Variants in FAM193A observed in about 807,000 individuals in gnomAD.
The protein encoded by FAM193A is protein FAM193A.
A neutral mutation model predicts 126.5 loss-of-function variants in FAM193A; 22 were observed. The observed-to-expected ratio is 0.17, with a 90% confidence interval of 0.12 to 0.25. FAM193A has a LOEUF of 0.25. FAM193A is among the 10% of genes least tolerant of loss of function. The pLI, the probability that FAM193A is intolerant of heterozygous loss-of-function variation, is 1.00. For synonymous variants in FAM193A, 761 were observed against 646.8 expected, an observed-to-expected ratio of 1.18 and a Z score of -2.68; for missense variants, 1,675 against 1,672.8, an observed-to-expected ratio of 1.00 and a Z score of -0.02.
intron 2 of FAM193A, among the ~76,000 whole-genome samples, chr4:2,610,060 C>T (rs1741770938): frequency 6.6e-6 from 1 of 151,684 alleles, no homozygotes; most frequent in Non-Finnish European, 1.5e-5. Context: ...GATGAAACCC[C>T]ATCTCTACTA....
At position 2,672,108 on chromosome 4, in the gene FAM193A, T is replaced by G; in HGVS notation, c.2080-13T>G. On this transcript the variant is annotated splice_polypyrimidine_tract_variant and intron_variant, in intron 12 of 20. Transcript: ENST00000637812. The stretch of plus-strand genomic sequence containing the variant: ...TTTCACTAAATAGGTATGTTTTTTT[T>G]CTTTCCTCTTAGGCTGAACAAGCTC... The G allele has an allele frequency of 1.9e-6, 3 of 1,612,752 alleles. No homozygotes were observed. The highest frequency in any genetic ancestry group is 1.7e-6 in the Non-Finnish European group (2 of 1,178,976).
intron 2 of FAM193A, among the ~76,000 whole-genome samples, chr4:2,608,756 C>A (rs1741689523): frequency 6.6e-6 from 1 of 152,198 alleles, no homozygotes; most frequent in African/African-American, 2.4e-5. Flanking sequence ...TTGCATAGAC[C>A]TGCAAGGGGA....
At chr4:2,543,344 C>T (rs1252987266) in intron 1 of FAM193A, among the ~76,000 whole-genome samples, 1 of 152,052 alleles carries the variant, frequency 6.6e-6, no homozygotes, top group African/African-American at 2.4e-5. Flanking sequence ...GCCTCGGCCT[C>T]TCAAAGTGCT....
At chr4:2,622,784 T>C (rs536168692) in intron 2 of FAM193A, among the ~76,000 whole-genome samples, 3 of 152,216 alleles carry the variant, frequency 2.0e-5, no homozygotes, top group African/African-American at 7.2e-5. Context: ...AAAAGGACAC[T>C]AATTCCATTC....
intron 1 of FAM193A, among the ~76,000 whole-genome samples, chr4:2,582,591 T>G (rs1447099648): frequency 6.6e-6 from 1 of 152,182 alleles, no homozygotes; most frequent in Non-Finnish European, 1.5e-5. Flanking sequence ...CAGGTGTTTT[T>G]TTGTTGTTGT....
chr4:2,559,980 T>TG (rs1738512431), intron 1 of FAM193A, among the ~76,000 whole-genome samples: 1 of 151,654 alleles, frequency 6.6e-6, no homozygotes, highest in South Asian at 2.1e-4. Context: ...TTTTTTGAGA[T>TG]GGAGTTTCAC....
At chr4:2,615,823 ATT>A (rs1016725598) in intron 2 of FAM193A, among the ~76,000 whole-genome samples, 5 of 144,208 alleles carry the variant, frequency 3.5e-5, no homozygotes, top group African/African-American at 1.3e-4. Context: ...GGCCTATTTT[ATT>A]TTTTTAGACA....
intron 1 of FAM193A, among the ~76,000 whole-genome samples, chr4:2,568,973 C>CTTTTTTTTTTTTTTTTTTTTTTTT: frequency 1.1e-5 from 1 of 90,722 alleles, no homozygotes; most frequent in African/African-American, 4.6e-5. Context: ...TGTTGTTTTG[C>CTTTTTTTTTTTTTTTTTTTTTTTT]TTTTTTTTTT....
intron 2 of FAM193A, among the ~76,000 whole-genome samples, chr4:2,617,053 A>C (rs1742230943): frequency 7.0e-6 from 1 of 142,520 alleles, no homozygotes; most frequent in South Asian, 2.2e-4. Flanking sequence ...CTGTCATCCC[A>C]GCTACTCAGG....
chr4:2,617,024 C>T (rs1428024532), intron 2 of FAM193A, among the ~76,000 whole-genome samples: 9 of 145,200 alleles, frequency 6.2e-5, no homozygotes, highest in Non-Finnish European at 7.6e-5. Flanking sequence ...AAACATTAGC[C>T]GGGTGTGGTG....
chr4:2,717,164 G>T (rs960870864), intron 20 of FAM193A, among the ~76,000 whole-genome samples: 1 of 152,000 alleles, frequency 6.6e-6, no homozygotes, highest in African/African-American at 2.4e-5. Context: ...ATTTTTGGTG[G>T]AAACAGGGTT....
At chr4:2,665,308 T>C (rs1248761239) in intron 12 of FAM193A, among the ~76,000 whole-genome samples, 1 of 152,220 alleles carries the variant, frequency 6.6e-6, no homozygotes, top group Non-Finnish European at 1.5e-5. Flanking sequence ...TGGTCTTGTG[T>C]TCTGCAGCTT....
chr4:2,546,954 A>G (rs769200638), intron 1 of FAM193A, among the ~76,000 whole-genome samples: 2 of 152,070 alleles, frequency 1.3e-5, no homozygotes, highest in Admixed American at 6.6e-5. Context: ...ATTATTATTA[A>G]TATTTTTTTA....
intron 2 of FAM193A, among the ~76,000 whole-genome samples, chr4:2,620,836 C>CAAAAAAAAAAAAAAAAAAAAAAAAAAAA (rs34305537): frequency 4.3e-5 from 3 of 69,094 alleles, no homozygotes; most frequent in African/African-American, 6.1e-5. Context: ...AACTCCGTCT[C>CAAAAAAAAAAAAAAAAAAAAAAAAAAAA]AAAAAAAAAA....
At chr4:2,634,022 G>T (rs1028624688) in intron 5 of FAM193A, among the ~76,000 whole-genome samples, 4 of 152,234 alleles carry the variant, frequency 2.6e-5, no homozygotes, top group African/African-American at 7.2e-5. Flanking sequence ...AGCATTTGCT[G>T]TGGGTATTTC....
chr4:2,696,619 A>C, intron 18 of FAM193A, 26 bp downstream of exon 18: 2 of 1,575,130 alleles, frequency 1.3e-6, no homozygotes, highest in Non-Finnish European at 8.7e-7. Flanking sequence ...CAGCACCTGG[A>C]GGCGCCAGGT....
chr4:2,622,144 CT>C (rs1295626735), intron 2 of FAM193A, among the ~76,000 whole-genome samples: 1 of 150,756 alleles, frequency 6.6e-6, no homozygotes, highest in Admixed American at 6.7e-5. Context: ...TTGGTCCCAG[CT>C]ACTCAGGAGG....
At chr4:2,628,853 CTT>C (rs71178496) in intron 4 of FAM193A, among the ~76,000 whole-genome samples, 14 of 71,712 alleles carry the variant, frequency 2.0e-4, no homozygotes, top group African/African-American at 3.0e-4. Context: ...CTGTCTCTCT[CTT>C]TTTTTTTTTT....
chr4:2,638,693 A>C (rs765161760), intron 5 of FAM193A, among the ~76,000 whole-genome samples: 49 of 152,110 alleles, frequency 3.2e-4, no homozygotes, highest in Non-Finnish European at 6.0e-4. Context: ...GCTCTCTCCA[A>C]ATGTGTTTAT....
Sources: gnomAD v4.1 joint callset for allele counts (sites outside exome capture counted in the v4.1 genomes callset) on GRCh38, gnomAD v4.1.1 for gene constraint, MANE v1.5 for transcripts, NCBI Gene and HGNC (gene_info 2026-07-23, HGNC 2026-07-21) for gene names.